CHN2: variants seen among roughly 807,000 people sequenced by gnomAD.
CHN2 encodes beta-chimaerin.
In CHN2, 35 loss-of-function variants were observed where a neutral mutation model predicts 56.3. That is an observed-to-expected ratio of 0.62 (90% CI 0.47 to 0.82). CHN2 has a LOEUF of 0.82. Among genes scored for constraint, CHN2 ranks in the 40% least tolerant of loss-of-function variants. CHN2 has a pLI of 0.00. For synonymous variants in CHN2, 210 were observed against 212.8 expected (o/e 0.99, Z 0.12); for missense variants, 491 against 580.5 (o/e 0.85, Z 1.58).
At chr7:29,258,926 T>C (rs199891737) in intron 1 of CHN2, among the ~76,000 whole-genome samples, 1 of 152,054 alleles carries the variant, frequency 6.6e-6, no homozygotes, top group East Asian at 1.9e-4. Context: ...TGTGCCATTA[T>C]TGTAATCCCA....
intron 6 of CHN2, among the ~76,000 whole-genome samples, chr7:29,474,576 G>T (rs1786432519): frequency 6.6e-6 from 1 of 152,116 alleles, no homozygotes; most frequent in Non-Finnish European, 1.5e-5. Flanking sequence ...TTCATGCACT[G>T]CCATGAAGCA....
chr7:29,459,404 C>T (rs886215915), intron 6 of CHN2, among the ~76,000 whole-genome samples: 2 of 152,116 alleles, frequency 1.3e-5, no homozygotes, highest in Non-Finnish European at 2.9e-5. Flanking sequence ...GGATGCAGCC[C>T]TGGAGGAATC....
intron 1 of CHN2, among the ~76,000 whole-genome samples, chr7:29,225,693 T>C (rs1394000396): frequency 6.6e-6 from 1 of 152,156 alleles, no homozygotes; most frequent in African/African-American, 2.4e-5. Flanking sequence ...CTTGCTACCT[T>C]ATGAAGGTGC....
intron 8 of CHN2, 142 bp downstream of exon 8, chr7:29,496,178 A>G: frequency 1.9e-6 from 1 of 528,440 alleles, no homozygotes. Flanking sequence ...GTCTGTGCTT[A>G]ATGGGGAAAC....
At chr7:29,280,241 G>T (rs187904593) in intron 1 of CHN2, among the ~76,000 whole-genome samples, 2 of 151,788 alleles carry the variant, frequency 1.3e-5, no homozygotes, top group African/African-American at 4.8e-5. Context: ...AAAATTAGCC[G>T]GGCGTGGTGG....
At chr7:29,171,235 C>T (rs1215559595) in intron 2 of CHN2, among the ~76,000 whole-genome samples, 2 of 152,100 alleles carry the variant, frequency 1.3e-5, no homozygotes, top group African/African-American at 2.4e-5. Context: ...ACCTAATACG[C>T]GTCCTACTGT....
At chr7:29,287,430 G>T (rs1440788719) in intron 1 of CHN2, among the ~76,000 whole-genome samples, 1 of 152,120 alleles carries the variant, frequency 6.6e-6, no homozygotes, top group African/African-American at 2.4e-5. Flanking sequence ...TTACAAATGT[G>T]GTCACTCTAT....
intron 1 of CHN2, among the ~76,000 whole-genome samples, chr7:29,337,190 T>C (rs773828834): frequency 3.4e-4 from 52 of 152,184 alleles, no homozygotes; most frequent in Non-Finnish European, 4.9e-4. Context: ...TGATCTTTTA[T>C]AAAGGCACAG....
chr7:29,489,918 A>G (rs1293375788), intron 7 of CHN2, among the ~76,000 whole-genome samples: 1 of 152,212 alleles, frequency 6.6e-6, no homozygotes. Context: ...TGATTAGCCT[A>G]TCCTGTTTTT....
At chr7:29,256,348 C>G (rs1007459077) in intron 1 of CHN2, among the ~76,000 whole-genome samples, 4 of 152,174 alleles carry the variant, frequency 2.6e-5, no homozygotes, top group African/African-American at 9.7e-5. Context: ...GACTCATTCT[C>G]ACATAGTTTT....
At chr7:29,443,314 C>T (rs966619031) in intron 6 of CHN2, among the ~76,000 whole-genome samples, 2 of 152,128 alleles carry the variant, frequency 1.3e-5, no homozygotes, top group Non-Finnish European at 2.9e-5. Context: ...GATGTATAAG[C>T]TGAGAAGTAC....
At chr7:29,440,550 G>A (rs1271403935) in intron 6 of CHN2, among the ~76,000 whole-genome samples, 1 of 151,916 alleles carries the variant, frequency 6.6e-6, no homozygotes, top group Admixed American at 6.6e-5. Flanking sequence ...AATTAGCCAA[G>A]CGTGGTGGCA....
At chr7:29,173,949 C>CAA (rs74313059) in intron 2 of CHN2, among the ~76,000 whole-genome samples, 2 of 115,804 alleles carry the variant, frequency 1.7e-5, no homozygotes, top group Non-Finnish European at 3.7e-5. Flanking sequence ...GAGACTGACT[C>CAA]AAAAAAAAAA....
At position 29,252,815 on chromosome 7, in the gene CHN2, T is replaced by C. The variant is rs1009793865; in HGVS notation, c.49+57825T>C. On this transcript the variant is annotated intron_variant, in intron 1 of 12. Coordinates refer to ENST00000222792, the MANE Select transcript of CHN2 (RefSeq NM_004067.4). ...TTTCACCTTGTTAGCCAGGATGGTC[T>C]CAATCTCCTGACCTCATGATCCACC... is the stretch of plus-strand genomic sequence containing the variant. Among the ~76,000 whole-genome samples, 6 of 117,132 alleles carry C rather than the reference T, an allele frequency of 5.1e-5. 1 individual carries two copies. The highest frequency in any genetic ancestry group is 9.5e-5 in the Non-Finnish European group (6 of 63,040). The allele number at this position is 117,132 out of a possible 152,430, so 76.8% of individuals were successfully genotyped here. A position where few individuals can be genotyped will look rare whatever the true frequency, so the allele number is the denominator to read the frequency against.
chr7:29,367,658 G>A (rs1799271121), intron 2 of CHN2, among the ~76,000 whole-genome samples: 1 of 152,124 alleles, frequency 6.6e-6, no homozygotes, highest in African/African-American at 2.4e-5. Flanking sequence ...TTCCACGAAA[G>A]CCATAAAATG....
chr7:29,155,271 A>G (rs1794198636), intron 2 of CHN2, among the ~76,000 whole-genome samples: 1 of 152,260 alleles, frequency 6.6e-6, no homozygotes, highest in Non-Finnish European at 1.5e-5. Context: ...GAAAACAACT[A>G]CATTTTAACA....
At chr7:29,238,015 CTTTT>C (rs11405147) in intron 1 of CHN2, among the ~76,000 whole-genome samples, 3 of 106,002 alleles carry the variant, frequency 2.8e-5, no homozygotes, top group African/African-American at 1.1e-4. Context: ...TATGTATTCT[CTTTT>C]TTTTTTTTTT....
intron 3 of CHN2, among the ~76,000 whole-genome samples, chr7:29,391,255 G>T (rs1801339254): frequency 6.6e-6 from 1 of 150,418 alleles, no homozygotes; most frequent in African/African-American, 2.4e-5. Context: ...CCTACATAGG[G>T]TTGCCAGATT....
At chr7:29,439,330 T>C (rs537127419) in intron 6 of CHN2, among the ~76,000 whole-genome samples, 2 of 152,326 alleles carry the variant, frequency 1.3e-5, no homozygotes, top group South Asian at 4.1e-4. Context: ...CTTTGCCTGG[T>C]ATATAACAAC....
Sources: allele counts gnomAD v4.1 joint callset (sites outside exome capture counted in the v4.1 genomes callset), GRCh38; gene constraint gnomAD v4.1.1; transcripts MANE v1.5; gene names NCBI Gene and HGNC (gene_info 2026-07-23, HGNC 2026-07-21).